Variants in HLCS observed in about 807,000 individuals in gnomAD.
The protein encoded by HLCS is biotin--protein ligase.
A neutral mutation model predicts 75.0 loss-of-function variants in HLCS; 53 were observed. The ratio of observed to expected loss-of-function variants is 0.71; its 90% CI spans 0.57 to 0.89. The LOEUF is 0.89. HLCS is among the 40% of genes least tolerant of loss of function. HLCS has a pLI of 0.00. For missense variants in HLCS, 966 were observed against 1,074.0 expected, an observed-to-expected ratio of 0.90 and a Z score of 1.41; for synonymous variants, 431 against 428.6, an observed-to-expected ratio of 1.01 and a Z score of -0.07.
chr21:36,765,328 A>G (rs1462867443), intron 7 of HLCS, among the ~76,000 whole-genome samples, 156 bp from the exon 8 acceptor site: 2 of 152,210 alleles, frequency 1.3e-5, no homozygotes, highest in Non-Finnish European at 2.9e-5. Context: ...ATAAAAGAAA[A>G]GCTTTTTAAA....
At chr21:36,962,246 A>G in intron 1 of HLCS, 76 bp from the exon 2 acceptor site, 1 of 989,564 alleles carries the variant, frequency 1.0e-6, no homozygotes, top group African/African-American at 1.7e-5. Flanking sequence ...CCCCTCTGAA[A>G]CATACCCTCC....
chr21:36,928,523 T>C (rs1324371678), intron 5 of HLCS, among the ~76,000 whole-genome samples: 2 of 151,978 alleles, frequency 1.3e-5, no homozygotes, highest in Non-Finnish European at 2.9e-5. Flanking sequence ...TGAGCCATGA[T>C]TGCACCACTA....
intron 1 of HLCS, among the ~76,000 whole-genome samples, chr21:36,981,340 A>G (rs1348356815): frequency 6.6e-6 from 1 of 150,896 alleles, no homozygotes; most frequent in South Asian, 2.1e-4. Flanking sequence ...ACTCCTCCCT[A>G]ATTCTGATGA....
intron 6 of HLCS, among the ~76,000 whole-genome samples, chr21:36,848,359 T>A (rs1230975493): frequency 2.7e-5 from 4 of 150,068 alleles, no homozygotes; most frequent in African/African-American, 9.8e-5. Flanking sequence ...AACCTCTGCC[T>A]CCCGAGTTCA....
chr21:36,852,635 C>A (rs1336833298), intron 6 of HLCS, among the ~76,000 whole-genome samples: 1 of 152,178 alleles, frequency 6.6e-6, no homozygotes, highest in African/African-American at 2.4e-5. Context: ...CAGCACAGAG[C>A]CCAGCACACC....
chr21:36,757,225 G>A (rs1284509100), intron 9 of HLCS, among the ~76,000 whole-genome samples: 1 of 152,210 alleles, frequency 6.6e-6, no homozygotes, highest in Non-Finnish European at 1.5e-5. Context: ...TCTGGACTCA[G>A]AGATTTCAAA....
chr21:36,971,107 T>C (rs1415429206), upstream of HLCS, among the ~76,000 whole-genome samples: 1 of 152,236 alleles, frequency 6.6e-6, no homozygotes, highest in Non-Finnish European at 1.5e-5. Flanking sequence ...AAAGTAATTT[T>C]ATTTTGTTAA....
intron 4 of HLCS, among the ~76,000 whole-genome samples, chr21:36,933,306 A>G (rs2066729180): frequency 6.6e-6 from 1 of 151,714 alleles, no homozygotes; most frequent in Admixed American, 6.6e-5. Flanking sequence ...GAAAAGCAAA[A>G]CCCTCTAAAG....
At chr21:36,962,523 C>G (rs1009872179) in intron 1 of HLCS, among the ~76,000 whole-genome samples, 2 of 152,122 alleles carry the variant, frequency 1.3e-5, no homozygotes, top group African/African-American at 4.8e-5. Context: ...CACAGTGGCT[C>G]ACGCCTGTAA....
chr21:36,763,585 A>G (rs2145761049), intron 8 of HLCS, among the ~76,000 whole-genome samples: 1 of 152,372 alleles, frequency 6.6e-6, no homozygotes, highest in Middle Eastern at 3.4e-3. Flanking sequence ...CTTTTCTTCA[A>G]TGAAATGATG....
intron 7 of HLCS, among the ~76,000 whole-genome samples, chr21:36,766,118 G>C (rs1045113727): frequency 6.6e-6 from 1 of 152,102 alleles, no homozygotes; most frequent in African/African-American, 2.4e-5. Context: ...CAGCTCACTG[G>C]GCTCAAGTGA....
In HLCS at chr21:36,759,859, C is replaced by T. The variant is rs762128307; in HGVS notation, c.2122-18G>A. The T allele has an allele frequency of 2.7e-6, 4 of 1,498,868 alleles. No individual in the cohort carries two copies. Among genetic ancestry groups the T allele is most frequent in the Admixed American group, 1.7e-5 (1 of 59,868 alleles). The allele number at this position is 1,498,868 out of a possible 1,614,324, so 92.8% of individuals were successfully genotyped here. On this transcript the variant is annotated intron_variant, in intron 8 of 10. Transcript: ENST00000674895. ...TTGATATCCTAAAGGGAAATCTGCA[C>T]ATTAATTAAGCCGTCACAGGACACA...
chr21:36,985,770 A>G (rs533031935), intron 1 of HLCS, among the ~76,000 whole-genome samples: 143 of 136,618 alleles, frequency 1.0e-3, no homozygotes, highest in Non-Finnish European at 1.6e-3. Flanking sequence ...GGTCTTGGGG[A>G]AAAAAAAAAA....
intron 6 of HLCS, among the ~76,000 whole-genome samples, chr21:36,877,781 A>G (rs1251311091): frequency 6.6e-6 from 1 of 152,128 alleles, no homozygotes; most frequent in African/African-American, 2.4e-5. Context: ...ACTATGACAC[A>G]TTATCTTAGT....
At chr21:36,930,164 C>A (rs1446138453) in intron 5 of HLCS, 87 bp downstream of exon 5, 5 of 1,221,520 alleles carry the variant, frequency 4.1e-6, no homozygotes. Flanking sequence ...TCAAAACCAA[C>A]CAAAATAAAA....
chr21:36,977,098 A>G (rs571168250), intron 1 of HLCS, among the ~76,000 whole-genome samples: 3 of 152,238 alleles, frequency 2.0e-5, no homozygotes, highest in African/African-American at 7.2e-5. Flanking sequence ...CTCAGTTTGT[A>G]AAGTGACGTA....
At chr21:36,852,630 C>T (rs370997953) in intron 6 of HLCS, among the ~76,000 whole-genome samples, 70 of 152,312 alleles carry the variant, frequency 4.6e-4, no homozygotes, top group African/African-American at 1.4e-3. Context: ...ATGGCCAGCA[C>T]AGAGCCCAGC....
chr21:36,770,426 T>A (rs1353274942), intron 6 of HLCS, among the ~76,000 whole-genome samples: 1 of 152,060 alleles, frequency 6.6e-6, no homozygotes, highest in Non-Finnish European at 1.5e-5. Flanking sequence ...GGATTACAGG[T>A]GTAAGCCACC....
chr21:36,832,485 G>A (rs907247396), intron 6 of HLCS, among the ~76,000 whole-genome samples: 21 of 152,158 alleles, frequency 1.4e-4, no homozygotes, highest in African/African-American at 4.8e-4. Flanking sequence ...CCAGCTTCCC[G>A]ACCTCACTCA....
Sources: gnomAD v4.1 joint callset for allele counts (sites outside exome capture counted in the v4.1 genomes callset) on GRCh38, gnomAD v4.1.1 for gene constraint, MANE v1.5 for transcripts, NCBI Gene and HGNC (gene_info 2026-07-23, HGNC 2026-07-21) for gene names.